ARSB: variants seen among roughly 807,000 people sequenced by gnomAD.
ARSB encodes arylsulfatase B.
In ARSB, 41 loss-of-function variants were observed where a neutral mutation model predicts 50.9. The observed-to-expected ratio is 0.81, with a 90% CI of 0.63 to 1.04. The LOEUF is 1.04. Ranked by LOEUF, ARSB falls within the 50% of genes least tolerant of loss-of-function variation. The pLI is 0.00. For missense variants in ARSB, 672 were observed against 693.3 expected, an observed-to-expected ratio of 0.97 and a Z score of 0.35; for synonymous variants, 269 against 284.8, an observed-to-expected ratio of 0.94 and a Z score of 0.56.
At chr5:78,842,777 T>A (rs1239024952) in intron 5 of ARSB, among the ~76,000 whole-genome samples, 1 of 104,790 alleles carries the variant, frequency 9.5e-6, no homozygotes, top group South Asian at 2.9e-4. Flanking sequence ...TTTGTTTTTT[T>A]CCCTTTTTTT....
chr5:78,979,604 T>G (rs1366018944), intron 1 of ARSB, among the ~76,000 whole-genome samples: 3 of 152,204 alleles, frequency 2.0e-5, no homozygotes, highest in Non-Finnish European at 2.9e-5. Context: ...AGGGAAGCAC[T>G]GTAGCAGGGA....
In ARSB at chr5:78,777,236, A is replaced by G. The variant is rs1748796824; in HGVS notation, c.*3161T>C. 1 of 151,496 alleles carries G rather than the reference A, an allele frequency of 6.6e-6. No homozygotes were observed. Among genetic ancestry groups the G allele is most frequent in the African/African-American group, 2.4e-5 (1 of 40,848 alleles). 9.4% of individuals were successfully genotyped at this position (151,496 alleles called of 1,614,324 possible). A position where few individuals can be genotyped will look rare whatever the true frequency, so the allele number is the denominator to read the frequency against. Reference sequence around the variant, plus strand: ...TTTTTAGTTCTAAAATTTTTACTATATTTATTTATTTAACAGCTTTACTGA... The same window carrying G: ...TTTTTAGTTCTAAAATTTTTACTATGTTTATTTATTTAACAGCTTTACTGA... On this transcript the variant is annotated 3_prime_UTR_variant, in exon 8 of 8. Coordinates refer to ENST00000264914, the MANE Select transcript of ARSB (RefSeq NM_000046.5).
intron 6 of ARSB, among the ~76,000 whole-genome samples, chr5:78,792,376 C>A (rs916406499): frequency 7.2e-6 from 1 of 139,132 alleles, no homozygotes. Flanking sequence ...GAGAATCTGT[C>A]GCAAAAAAAA....
chr5:78,970,435 T>A (rs1048963447), intron 1 of ARSB, among the ~76,000 whole-genome samples: 1 of 152,150 alleles, frequency 6.6e-6, no homozygotes, highest in Non-Finnish European at 1.5e-5. Flanking sequence ...AATAAAAAAA[T>A]TTATAATTTG....
intron 6 of ARSB, among the ~76,000 whole-genome samples, chr5:78,836,576 G>A (rs1290197259): frequency 1.3e-5 from 2 of 152,154 alleles, no homozygotes; most frequent in Non-Finnish European, 2.9e-5. Context: ...TCTATGGATG[G>A]CAAGATTAGG....
intron 5 of ARSB, among the ~76,000 whole-genome samples, chr5:78,862,443 C>G (rs1581057710): frequency 1.3e-5 from 2 of 151,548 alleles, no homozygotes; most frequent in East Asian, 3.9e-4. Context: ...CAGAACAGAG[C>G]CCTCAGAAAT....
chr5:78,898,534 GC>G (rs1313840466), intron 4 of ARSB, among the ~76,000 whole-genome samples: 1 of 152,122 alleles, frequency 6.6e-6, no homozygotes, highest in African/African-American at 2.4e-5. Flanking sequence ...ATCAAATTTA[GC>G]TTTATATAAA....
chr5:78,815,383 G>T, intron 6 of ARSB: 1 of 267,622 alleles, frequency 3.7e-6, no homozygotes, highest in Non-Finnish European at 5.7e-6. Context: ...ATCTCACTGT[G>T]GCTTGCAGCT....
At chr5:78,921,529 A>C (rs761244772) in intron 4 of ARSB, among the ~76,000 whole-genome samples, 17 of 152,230 alleles carry the variant, frequency 1.1e-4, no homozygotes, top group Non-Finnish European at 2.4e-4. Flanking sequence ...TAATTACTAA[A>C]ATTAATTTCA....
At chr5:78,926,749 T>C (rs1021675382) in intron 4 of ARSB, among the ~76,000 whole-genome samples, 1 of 152,118 alleles carries the variant, frequency 6.6e-6, no homozygotes, top group Non-Finnish European at 1.5e-5. Flanking sequence ...TGGAGAACTC[T>C]CAAGAGGTAT....
intron 4 of ARSB, among the ~76,000 whole-genome samples, chr5:78,895,572 A>G (rs1052513968): frequency 7.2e-5 from 11 of 152,366 alleles, no homozygotes; most frequent in African/African-American, 2.6e-4. Context: ...CGATAAGCAC[A>G]TGAAAACTTT....
intron 6 of ARSB, among the ~76,000 whole-genome samples, chr5:78,829,582 C>T (rs1283100280): frequency 1.3e-5 from 2 of 152,186 alleles, no homozygotes; most frequent in Non-Finnish European, 2.9e-5. Context: ...TAGGTATTTT[C>T]TGCCAGAGGT....
At chr5:78,803,986 G>T (rs1353119849) in intron 6 of ARSB, among the ~76,000 whole-genome samples, 3 of 152,208 alleles carry the variant, frequency 2.0e-5, no homozygotes, top group African/African-American at 7.2e-5. Flanking sequence ...CCACCCGAGG[G>T]CACCTGGCAG....
chr5:78,933,643 G>A (rs1370268906), intron 4 of ARSB, among the ~76,000 whole-genome samples: 1 of 152,126 alleles, frequency 6.6e-6, no homozygotes, highest in Non-Finnish European at 1.5e-5. Context: ...TTTCTCCTAG[G>A]AAAAGAACTA....
Position 78,866,340 on chromosome 5 carries a change from C to A in ARSB, c.1142+19244G>T, listed in dbSNP as rs181148849. Among the ~76,000 whole-genome samples, 21 of 152,186 alleles carry A rather than the reference C, an allele frequency of 1.4e-4. No individual in the cohort carries two copies. In the East Asian group the frequency reaches 3.9e-3, roughly 28 times the overall value. On this transcript the variant is annotated intron_variant, in intron 5 of 7. Transcript: ENST00000264914. ...TATATTACCATCAGATCTTGTGAGC[C>A]CTATTCACTATCATGAGAACAGCAT... is the stretch of plus-strand genomic sequence containing the variant.
At chr5:78,947,015 A>G (rs1221851798) in intron 4 of ARSB, among the ~76,000 whole-genome samples, 1 of 152,188 alleles carries the variant, frequency 6.6e-6, no homozygotes, top group Non-Finnish European at 1.5e-5. Context: ...AGTACCAAGA[A>G]CAGACACTGG....
chr5:78,790,747 C>G (rs1482695060), intron 6 of ARSB, among the ~76,000 whole-genome samples: 1 of 152,066 alleles, frequency 6.6e-6, no homozygotes, highest in African/African-American at 2.4e-5. Context: ...TCTTTTACAA[C>G]CTCTTCTACC....
intron 6 of ARSB, among the ~76,000 whole-genome samples, chr5:78,836,633 G>C (rs751762117): frequency 1.3e-5 from 2 of 152,154 alleles, no homozygotes; most frequent in Non-Finnish European, 2.9e-5. Context: ...TTTTACTCTG[G>C]AGAAACCTTT....
At chr5:78,975,202 A>G (rs1284547802) in intron 1 of ARSB, among the ~76,000 whole-genome samples, 1 of 152,218 alleles carries the variant, frequency 6.6e-6, no homozygotes, top group African/African-American at 2.4e-5. Context: ...GCAGGCGAGG[A>G]GCAGGCAGGA....
Sources: allele counts gnomAD v4.1 joint callset (sites outside exome capture counted in the v4.1 genomes callset), GRCh38; gene constraint gnomAD v4.1.1; transcripts MANE v1.5; gene names NCBI Gene and HGNC (gene_info 2026-07-23, HGNC 2026-07-21).